Variants in RCC2 observed in about 807,000 individuals in gnomAD.
The protein encoded by RCC2 is protein RCC2.
In RCC2, 19 loss-of-function variants were observed where a neutral mutation model predicts 64.1. The ratio of observed to expected loss-of-function variants is 0.30; its 90% CI spans 0.21 to 0.44. The LOEUF is 0.44. RCC2 is among the 20% of genes least tolerant of loss of function. The pLI, the probability that RCC2 is intolerant of heterozygous loss-of-function variation, is 1.00. For missense variants in RCC2, 508 were observed against 710.4 expected (o/e 0.72, Z 3.24); for synonymous variants, 325 against 279.6 (o/e 1.16, Z -1.62).
In RCC2 at chr1:17,423,235, C is replaced by T. The variant is rs1366727384; in HGVS notation, c.524-399G>A. Among the ~76,000 whole-genome samples, 4 of 152,232 alleles carry T rather than the reference C, an allele frequency of 2.6e-5. No homozygotes were observed. In the South Asian group the frequency reaches 6.2e-4, roughly 24 times the overall value. ...CTCTGAGATGTATTTTAAGACAGCA[C>T]CCCATTTTGACACCTGGCTCACCAG... On this transcript the variant is annotated intron_variant, in intron 4 of 12. Transcript: ENST00000375436.
At chr1:17,424,054 C>T (rs914379046) in intron 4 of RCC2, among the ~76,000 whole-genome samples, 8 of 152,186 alleles carry the variant, frequency 5.3e-5, no homozygotes, top group African/African-American at 1.9e-4. Flanking sequence ...ATGTGAAAGG[C>T]ATGTGAATAC....
intron 11 of RCC2, 152 bp from the exon 12 acceptor site, chr1:17,410,203 GGGCCA>G: frequency 3.0e-6 from 2 of 670,364 alleles, no homozygotes; most frequent in Non-Finnish European, 5.2e-6. Flanking sequence ...TTGCACACAA[GGGCCA>G]GGTGGAATCA....
chr1:17,422,874 G>A (rs920531406), intron 4 of RCC2, 38 bp from the exon 5 acceptor site: 1 of 1,612,664 alleles, frequency 6.2e-7, no homozygotes, highest in East Asian at 2.2e-5. Context: ...AAGAGAGAGG[G>A]TGGTCCAGGC....
Position 17,413,670 on chromosome 1 carries a change from G to A in RCC2, c.1074C>T (p.Gly358=), listed in dbSNP as rs1444911834. Residue 358 remains glycine (G), a synonymous_variant, in exon 9 of 13, where the codon GGC becomes GGT. Coordinates refer to ENST00000375436, the MANE Select transcript of RCC2 (RefSeq NM_018715.4). The part of the protein sequence containing the change: ...QKRVFSWGFG[G]YGRLGHAEQK... The stretch of plus-strand genomic sequence containing the variant: ...GCTCTGCGTGGCCCAGCCGGCCATA[G>A]CCACCAAAGCCCCAGGAGAAGACTC... The A allele has an allele frequency of 6.2e-7, 1 of 1,613,970 alleles. No homozygotes were observed. The highest frequency in any genetic ancestry group is 8.5e-7 in the Non-Finnish European group (1 of 1,179,990).
At chr1:17,431,359 A>AAAAAATATATATATAT (rs1553158471) in intron 2 of RCC2, among the ~76,000 whole-genome samples, 1 of 44,928 alleles carries the variant, frequency 2.2e-5, no homozygotes, top group Non-Finnish European at 3.8e-5. Context: ...AAAAAAAAAA[A>AAAAAATATATATATAT]ATATATATAT....
At chr1:17,423,195 C>T (rs1424961912) in intron 4 of RCC2, among the ~76,000 whole-genome samples, 1 of 152,192 alleles carries the variant, frequency 6.6e-6, no homozygotes, top group Non-Finnish European at 1.5e-5. Flanking sequence ...GCAAGACAAC[C>T]ACCCCGTCCC....
intron 8 of RCC2, among the ~76,000 whole-genome samples, chr1:17,414,640 T>TC (rs912231102): frequency 3.3e-5 from 5 of 151,540 alleles, no homozygotes; most frequent in African/African-American, 9.7e-5. Context: ...TCGTTTCTTT[T>TC]CCCCCCCTCG....
rs1265674393 is a variant in RCC2 at position 17,431,359 on chromosome 1, A to ATATATATAT, written c.286-2161_286-2160insATATATATA. On this transcript the variant is annotated intron_variant, in intron 2 of 12. Coordinates refer to ENST00000375436, the MANE Select transcript of RCC2 (RefSeq NM_018715.4). ...AAAAAAAAAAAAAAAAAAAAAAAAA[A>ATATATATAT]ATATATATATATATATATATATGTG... 4.9e-4 allele frequency among the ~76,000 whole-genome samples: 22 copies of ATATATATAT among 44,922 alleles called. 2 individuals are homozygous for ATATATATAT. The highest frequency in any genetic ancestry group is 1.1e-3 in the Admixed American group (3 of 2,822). 29.5% of individuals were successfully genotyped at this position (44,922 alleles called of 152,430 possible).
Position 17,409,993 on chromosome 1 carries a change from T to C in RCC2, c.1445A>G (p.Asp482Gly). 1 of 1,613,942 alleles carries C rather than the reference T, an allele frequency of 6.2e-7. No individual in the cohort carries two copies. The highest frequency in any genetic ancestry group is 8.5e-7 in the Non-Finnish European group (1 of 1,179,874). ...ACTCACCTGCTCTGAGAAAATGCCA[T>C]CCAGAGTCTTTACCTCCTGGGCTGC... is the stretch of plus-strand genomic sequence containing the variant. ...STAAQEVKTL[D>G]GIFSEQVAMG... Residue 482 changes from aspartate to glycine, a missense_variant, in exon 12 of 13, where the codon GAT becomes GGT. By Grantham distance (94) the Asp-to-Gly change is moderately conservative (BLOSUM62 -1). Transcript: ENST00000375436.
In RCC2 at chr1:17,416,533, G is replaced by A; in HGVS notation, c.973C>T (p.Leu325=). The A allele has an allele frequency of 6.2e-7, 1 of 1,613,952 alleles. No homozygotes were observed. Reference sequence around the variant, plus strand: ...CGTACAACCACGTTTGGTACAGGCAGAATCTGTCCATCTTTCGTCTTCTCA... The same window carrying A: ...CGTACAACCACGTTTGGTACAGGCAAAATCTGTCCATCTTTCGTCTTCTCA... ...FIEKTKDGQI[L]PVPNVVVRDV... is the part of the protein sequence containing the mutation. Residue 325 remains leucine (L), a synonymous_variant, in exon 8 of 13, where the codon CTG becomes TTG. Transcript: ENST00000375436.
At chr1:17,413,785 T>C in intron 8 of RCC2, 68 bp from the exon 9 acceptor site, 1 of 1,408,566 alleles carries the variant, frequency 7.1e-7, no homozygotes. Flanking sequence ...GGGTCATCGT[T>C]TCTGTGCAGA....
At chr1:17,433,580 A>T (rs2075706390) in intron 2 of RCC2, among the ~76,000 whole-genome samples, 1 of 152,208 alleles carries the variant, frequency 6.6e-6, no homozygotes, top group Admixed American at 6.5e-5. Flanking sequence ...CGCAGCAGAC[A>T]GCCTGGCAAA....
chr1:17,430,573 G>A (rs1016746364), intron 2 of RCC2, among the ~76,000 whole-genome samples: 15 of 152,022 alleles, frequency 9.9e-5, no homozygotes, highest in African/African-American at 3.6e-4. Context: ...GAATCACGAG[G>A]TCAGGAGTTC....
intron 2 of RCC2, among the ~76,000 whole-genome samples, chr1:17,431,359 A>AAAAATATATATATATATATAT (rs1553158471): frequency 4.5e-5 from 2 of 44,932 alleles, no homozygotes; most frequent in African/African-American, 1.1e-4. Flanking sequence ...AAAAAAAAAA[A>AAAAATATATATATATATATAT]ATATATATAT....
intron 11 of RCC2, among the ~76,000 whole-genome samples, chr1:17,411,803 A>G (rs139116995): frequency 1.2e-4 from 19 of 152,306 alleles, no homozygotes; most frequent in African/African-American, 4.6e-4. Context: ...TTAGGCCTCC[A>G]GGGGAGAGGG....
Position 17,437,147 on chromosome 1 carries a change from T to G in RCC2, c.285+1083A>C, listed in dbSNP as rs531613138. 6.6e-5 allele frequency among the ~76,000 whole-genome samples: 10 copies of G among 152,310 alleles called. No individual in the cohort carries two copies. The South Asian group carries it at 2.1e-3, about 32-fold the overall frequency. ...CGAATTCTGTGCCCCAGTTTCCCTA[T>G]CTATAAAACGGACGTAGAAAATGTG... is the stretch of plus-strand genomic sequence containing the variant. On this transcript the variant is annotated intron_variant, in intron 2 of 12. Coordinates refer to ENST00000375436, the MANE Select transcript of RCC2 (RefSeq NM_018715.4).
intron 3 of RCC2, among the ~76,000 whole-genome samples, chr1:17,425,995 G>A (rs113095798): frequency 0.014 from 2,070 of 152,286 alleles, 17 homozygotes; most frequent in Non-Finnish European, 0.021. Flanking sequence ...AGCCCCACGT[G>A]TTCTGCCATT....
At chr1:17,410,570 TG>T (rs2075413147) in intron 11 of RCC2, among the ~76,000 whole-genome samples, 1 of 152,204 alleles carries the variant, frequency 6.6e-6, no homozygotes, top group South Asian at 2.1e-4. Context: ...TAGAAGGAAC[TG>T]GATGAATTGG....
At chr1:17,436,133 A>C (rs2075733262) in intron 2 of RCC2, among the ~76,000 whole-genome samples, 1 of 152,208 alleles carries the variant, frequency 6.6e-6, no homozygotes, top group Non-Finnish European at 1.5e-5. Flanking sequence ...ACACATATGT[A>C]AAATAATAAC....
Sources: gnomAD v4.1 joint callset for allele counts (sites outside exome capture counted in the v4.1 genomes callset) on GRCh38, gnomAD v4.1.1 for gene constraint, MANE v1.5 for transcripts, NCBI Gene and HGNC (gene_info 2026-07-23, HGNC 2026-07-21) for gene names.